The following UNC13C variants were observed in gnomAD, a reference collection of about 807,000 sequenced individuals.
The protein encoded by UNC13C is unc-13 homolog C, also known as protein unc-13 homolog C.
UNC13C carries 174 observed loss-of-function variants against 245.4 expected under a neutral mutation model. The observed-to-expected ratio is 0.71, with a 90% CI of 0.63 to 0.80. The LOEUF (loss-of-function observed/expected upper bound fraction) is 0.80, where lower values mean the gene tolerates loss of function less well. UNC13C is among the 30% of genes least tolerant of loss of function. The probability of loss-of-function intolerance (pLI) is 0.00; values close to 1 mark genes in which losing one functional copy is unlikely to be tolerated. For missense variants in UNC13C, 2,829 were observed against 2,602.9 expected, an observed-to-expected ratio of 1.09 and a Z score of -1.89; for synonymous variants, 992 against 895.1, an observed-to-expected ratio of 1.11 and a Z score of -1.93.
chr15:54,583,524 C>A (rs1412393474), intron 30 of UNC13C, among the ~76,000 whole-genome samples: 4 of 152,118 alleles, frequency 2.6e-5, no homozygotes, highest in Non-Finnish European at 1.5e-5. Flanking sequence ...AATAGAAGAA[C>A]CTAGAAATTT....
chr15:54,122,803 G>A (rs1460126030), intron 2 of UNC13C, among the ~76,000 whole-genome samples: 2 of 151,998 alleles, frequency 1.3e-5, no homozygotes, highest in Non-Finnish European at 2.9e-5. Flanking sequence ...ATGTGTATCA[G>A]CAATATATTT....
rs12593137 is a variant in UNC13C at position 54,210,911 on chromosome 15, C to T, written c.3072-24119C>T. On this transcript the variant is annotated intron_variant, in intron 4 of 32. Transcript: ENST00000260323. Reference sequence around the variant, plus strand: ...GCAAGTCAAGCCAAACTTTGCTTCACGGGGAGACATTATATTTATTACACT... The same window carrying T: ...GCAAGTCAAGCCAAACTTTGCTTCATGGGGAGACATTATATTTATTACACT... 4.9e-3 allele frequency among the ~76,000 whole-genome samples: 753 copies of T among 152,156 alleles called. 35 individuals carry two copies. The East Asian group carries it at 0.099, about 20-fold the overall frequency.
At chr15:54,030,426 A>C (rs1331525280) in intron 2 of UNC13C, among the ~76,000 whole-genome samples, 1 of 151,998 alleles carries the variant, frequency 6.6e-6, no homozygotes, top group Non-Finnish European at 1.5e-5. Flanking sequence ...GGTCTAACTG[A>C]TTGCAGTCCA....
the UNC13C span, among the ~76,000 whole-genome samples, chr15:53,893,795 G>A: frequency 6.6e-6 from 1 of 152,230 alleles, no homozygotes; most frequent in Non-Finnish European, 1.5e-5. Flanking sequence ...GGGCTCCATG[G>A]CATGGGGCCC....
chr15:54,267,340 A>C (rs2036572797), intron 10 of UNC13C, among the ~76,000 whole-genome samples: 1 of 149,130 alleles, frequency 6.7e-6, no homozygotes, highest in South Asian at 2.1e-4. Context: ...GCACTGGCTA[A>C]GATTTCCAGT....
intron 2 of UNC13C, among the ~76,000 whole-genome samples, chr15:54,078,644 T>A (rs1220746229): frequency 6.6e-6 from 1 of 152,180 alleles, no homozygotes; most frequent in Non-Finnish European, 1.5e-5. Context: ...AATTGTCTGT[T>A]CATGTCCTTT....
At chr15:54,189,297 T>A (rs1207572980) in intron 4 of UNC13C, among the ~76,000 whole-genome samples, 2 of 152,144 alleles carry the variant, frequency 1.3e-5, no homozygotes, top group Non-Finnish European at 2.9e-5. Flanking sequence ...AGGATATGGG[T>A]GTTAAGTTTG....
intron 2 of UNC13C, among the ~76,000 whole-genome samples, chr15:54,089,624 TC>T (rs1168177392): frequency 1.3e-5 from 2 of 151,702 alleles, no homozygotes; most frequent in African/African-American, 4.8e-5. Flanking sequence ...TTTCAATTAA[TC>T]CAGTGAAAGC....
intron 4 of UNC13C, among the ~76,000 whole-genome samples, chr15:54,177,170 C>G (rs766620789): frequency 3.3e-5 from 5 of 152,034 alleles, no homozygotes; most frequent in Non-Finnish European, 7.4e-5. Flanking sequence ...CTATACCATG[C>G]GCATGTGTAG....
intron 19 of UNC13C, among the ~76,000 whole-genome samples, chr15:54,421,361 A>T (rs2040639486): frequency 6.6e-6 from 1 of 152,056 alleles, no homozygotes; most frequent in African/African-American, 2.4e-5. Flanking sequence ...CTCTGCATAT[A>T]TTCTCCCAAA....
At chr15:54,463,001 G>A (rs942264178) in intron 19 of UNC13C, among the ~76,000 whole-genome samples, 3 of 151,850 alleles carry the variant, frequency 2.0e-5, no homozygotes, top group Non-Finnish European at 2.9e-5. Context: ...TAGCTTGGGG[G>A]TTTGTGGATG....
chr15:53,976,665 C>A (rs12594484), upstream of UNC13C: 1 of 151,542 alleles, frequency 6.6e-6, no homozygotes, highest in African/African-American at 2.4e-5. Context: ...TTTTATAGAC[C>A]GCTCATGGTT....
chr15:54,264,813 T>G (rs1431662094), intron 9 of UNC13C, among the ~76,000 whole-genome samples: 1 of 151,888 alleles, frequency 6.6e-6, no homozygotes, highest in African/African-American at 2.4e-5. Context: ...CAATTTGAGT[T>G]TAATGATATC....
At chr15:54,369,631 A>G (rs564089978) in intron 17 of UNC13C, among the ~76,000 whole-genome samples, 1 of 152,286 alleles carries the variant, frequency 6.6e-6, no homozygotes, top group Admixed American at 6.5e-5. Flanking sequence ...TTTACAGATG[A>G]GTTATCTAGT....
In UNC13C at chr15:54,511,229, G is replaced by C. The variant is rs867110479; in HGVS notation, c.5380-524G>C. Among the ~76,000 whole-genome samples the C allele has an allele frequency of 1.3e-4, 20 of 152,208 alleles. No individual in the cohort carries two copies. In the Middle Eastern group the frequency reaches 0.01, roughly 78 times the overall value. The stretch of plus-strand genomic sequence containing the variant: ...TGAATGATGGATATGAGTCAAATAA[G>C]CAAGTAGGAAAATGAGAAGAAAAAC... On this transcript the variant is annotated intron_variant, in intron 23 of 32. Transcript: ENST00000260323.
chr15:54,265,935 G>C (rs1351984796), intron 10 of UNC13C, among the ~76,000 whole-genome samples: 1 of 152,006 alleles, frequency 6.6e-6, no homozygotes, highest in African/African-American at 2.4e-5. Flanking sequence ...ATACTATTGA[G>C]ATGGTTGATG....
intron 2 of UNC13C, among the ~76,000 whole-genome samples, chr15:54,042,955 A>G (rs1219842693): frequency 6.6e-6 from 1 of 152,064 alleles, no homozygotes; most frequent in Non-Finnish European, 1.5e-5. Flanking sequence ...AGTCTATCAC[A>G]CTTCTTGTCC....
chr15:53,976,688 C>T (rs1893719260), upstream of UNC13C: 4 of 151,910 alleles, frequency 2.6e-5, no homozygotes, highest in African/African-American at 4.8e-5. Context: ...AATCATCTTT[C>T]ATTTATTTCC....
At chr15:54,422,670 C>T (rs1045363569) in intron 19 of UNC13C, among the ~76,000 whole-genome samples, 5 of 151,798 alleles carry the variant, frequency 3.3e-5, no homozygotes, top group African/African-American at 9.7e-5. Flanking sequence ...AAGCTGTTTC[C>T]CTTCTCTTCA....
Sources: gnomAD v4.1 joint callset for allele counts (sites outside exome capture counted in the v4.1 genomes callset) on GRCh38, gnomAD v4.1.1 for gene constraint, MANE v1.5 for transcripts, NCBI Gene and HGNC (gene_info 2026-07-23, HGNC 2026-07-21) for gene names.